ASAP1: variants seen among roughly 807,000 people sequenced by gnomAD.
ASAP1 encodes arf-GAP with SH3 domain, ANK repeat and PH domain-containing protein 1.
ASAP1 carries 43 observed loss-of-function variants against 145.2 expected under a neutral mutation model. The observed-to-expected ratio is 0.30, with a 90% CI of 0.23 to 0.38. The LOEUF (loss-of-function observed/expected upper bound fraction) is 0.38, where lower values mean the gene tolerates loss of function less well. Ranked by LOEUF, ASAP1 falls within the 10% of genes least tolerant of loss-of-function variation. The probability of loss-of-function intolerance (pLI) is 1.00; values close to 1 mark genes in which losing one functional copy is unlikely to be tolerated. For synonymous variants in ASAP1, 546 were observed against 515.5 expected (o/e 1.06, Z -0.80); for missense variants, 1,018 against 1,355.3 (o/e 0.75, Z 3.91).
intron 3 of ASAP1, among the ~76,000 whole-genome samples, chr8:130,287,505 G>A (rs771334247): frequency 6.6e-6 from 1 of 152,038 alleles, no homozygotes; most frequent in African/African-American, 2.4e-5. Flanking sequence ...CTGATTTTTG[G>A]GGGGAGGCCT....
intron 5 of ASAP1, among the ~76,000 whole-genome samples, chr8:130,197,932 G>A (rs1393319248): frequency 6.6e-6 from 1 of 152,064 alleles, no homozygotes; most frequent in Non-Finnish European, 1.5e-5. Context: ...TCACTAGTGG[G>A]TGAAGTTTTC....
At chr8:130,302,154 A>G (rs1177100734) in intron 3 of ASAP1, among the ~76,000 whole-genome samples, 1 of 152,272 alleles carries the variant, frequency 6.6e-6, no homozygotes, top group Non-Finnish European at 1.5e-5. Flanking sequence ...ACATTCTCTC[A>G]TTTGCACAAA....
chr8:130,111,836 AC>A (rs1157432694), intron 24 of ASAP1, among the ~76,000 whole-genome samples: 8 of 152,216 alleles, frequency 5.3e-5, no homozygotes, highest in African/African-American at 1.9e-4. Context: ...TAAAATGGGC[AC>A]AAAAGCACAT....
intron 3 of ASAP1, among the ~76,000 whole-genome samples, chr8:130,280,908 GATTTGTCTAACAGTCACTGATCTGTCTA>G (rs1554869304): frequency 6.6e-6 from 1 of 152,092 alleles, no homozygotes; most frequent in Non-Finnish European, 1.5e-5. Flanking sequence ...CCATGTCAGT[GATTTGTCTAACAGTCACTGATCTGTCTA>G]AAAATGGGTG....
intron 3 of ASAP1, among the ~76,000 whole-genome samples, chr8:130,277,264 T>C (rs1820969315): frequency 6.6e-6 from 1 of 152,124 alleles, no homozygotes; most frequent in South Asian, 2.1e-4. Context: ...AGTCTGGCCA[T>C]TCACCTAAAA....
chr8:130,277,118 C>A (rs1176796503), intron 3 of ASAP1, among the ~76,000 whole-genome samples: 1 of 152,138 alleles, frequency 6.6e-6, no homozygotes, highest in African/African-American at 2.4e-5. Flanking sequence ...CCCAGACTCT[C>A]CAGATCAGAA....
chr8:130,080,740 C>A (rs2097477790), intron 25 of ASAP1, among the ~76,000 whole-genome samples: 1 of 152,014 alleles, frequency 6.6e-6, no homozygotes, highest in Non-Finnish European at 1.5e-5. Context: ...TCAAGTGATT[C>A]TCCTGCCTCA....
chr8:130,182,831 C>CAAAAAA (rs35195899), intron 7 of ASAP1, among the ~76,000 whole-genome samples: 2 of 73,596 alleles, frequency 2.7e-5, no homozygotes, highest in African/African-American at 5.9e-5. Context: ...TATAAAAAGG[C>CAAAAAA]AAAAAAAAAA....
At chr8:130,111,247 G>A (rs1393535776) in intron 24 of ASAP1, among the ~76,000 whole-genome samples, 2 of 147,426 alleles carry the variant, frequency 1.4e-5, no homozygotes, top group African/African-American at 2.5e-5. Flanking sequence ...GCTGGGCATG[G>A]TGCCACACAC....
intron 6 of ASAP1, among the ~76,000 whole-genome samples, chr8:130,187,598 T>A (rs946347487): frequency 6.6e-6 from 1 of 152,070 alleles, no homozygotes; most frequent in Non-Finnish European, 1.5e-5. Context: ...GTACTTCTTC[T>A]GTAGACATGG....
At chr8:130,313,902 C>T (rs1364587429) in intron 3 of ASAP1, among the ~76,000 whole-genome samples, 2 of 152,178 alleles carry the variant, frequency 1.3e-5, no homozygotes, top group East Asian at 3.8e-4. Context: ...ACGTCCCATG[C>T]TCTTCTCCTC....
In ASAP1 at chr8:130,125,899, T is replaced by C. The variant is rs1409160384; in HGVS notation, c.1515+57A>G. The C allele has an allele frequency of 1.6e-5, 24 of 1,515,144 alleles. No homozygotes were observed. The South Asian group carries it at 2.8e-4, about 17-fold the overall frequency. 93.9% of individuals were successfully genotyped at this position (1,515,144 alleles called of 1,614,324 possible). A position where few individuals can be genotyped will look rare whatever the true frequency, so the allele number is the denominator to read the frequency against. On this transcript the variant is annotated intron_variant, in intron 17 of 29. Coordinates refer to ENST00000518721, the MANE Select transcript of ASAP1 (RefSeq NM_018482.4). ...CATACAAAAAAAATCCAAAACAATA[T>C]ATTAAAATTACTCATGACAATAATA...
At chr8:130,105,222 A>G (rs1485859488) in intron 24 of ASAP1, among the ~76,000 whole-genome samples, 1 of 152,240 alleles carries the variant, frequency 6.6e-6, no homozygotes, top group African/African-American at 2.4e-5. Context: ...TCCAACAACA[A>G]TAACAACAAA....
chr8:130,245,766 T>C (rs996045724), intron 3 of ASAP1, among the ~76,000 whole-genome samples: 1 of 152,226 alleles, frequency 6.6e-6, no homozygotes, highest in Non-Finnish European at 1.5e-5. Flanking sequence ...ATTAAAGCTG[T>C]ACAGAAGAAA....
At chr8:130,097,463 G>A (rs763332762) in intron 24 of ASAP1, among the ~76,000 whole-genome samples, 21 of 152,120 alleles carry the variant, frequency 1.4e-4, no homozygotes, top group Non-Finnish European at 2.4e-4. Flanking sequence ...ACAGCCTCTT[G>A]GTCACTCCAT....
chr8:130,362,460 C>T (rs1826764421), intron 2 of ASAP1, among the ~76,000 whole-genome samples: 1 of 152,198 alleles, frequency 6.6e-6, no homozygotes, highest in Non-Finnish European at 1.5e-5. Context: ...AACTATGTTT[C>T]AGATTATTGT....
chr8:130,086,354 G>A (rs1027677198), intron 25 of ASAP1, among the ~76,000 whole-genome samples: 4 of 152,264 alleles, frequency 2.6e-5, no homozygotes, highest in Admixed American at 6.5e-5. Context: ...AATGAGGTAC[G>A]TTAACACATG....
At chr8:130,436,070 G>A (rs895909428) in intron 1 of ASAP1, among the ~76,000 whole-genome samples, 3 of 152,164 alleles carry the variant, frequency 2.0e-5, no homozygotes, top group African/African-American at 4.8e-5. Context: ...CCTCTAGAAC[G>A]AACCTAGAGC....
chr8:130,258,965 C>T (rs1041615340), intron 3 of ASAP1, among the ~76,000 whole-genome samples: 4 of 152,106 alleles, frequency 2.6e-5, no homozygotes, highest in Non-Finnish European at 5.9e-5. Context: ...CCCTATTTGC[C>T]CCATCGATTC....
Sources: gnomAD v4.1 joint callset for allele counts (sites outside exome capture counted in the v4.1 genomes callset) on GRCh38, gnomAD v4.1.1 for gene constraint, MANE v1.5 for transcripts, NCBI Gene and HGNC (gene_info 2026-07-23, HGNC 2026-07-21) for gene names.